Variants in TMEM196 observed in about 807,000 individuals in gnomAD.
TMEM196 encodes transmembrane protein 196.
TMEM196 carries 17 observed loss-of-function variants against 20.0 expected under a neutral mutation model. The ratio of observed to expected loss-of-function variants is 0.85; its 90% CI spans 0.58 to 1.27. The LOEUF is 1.27. TMEM196 is among the 50% of genes most tolerant of loss of function. The pLI, the probability that TMEM196 is intolerant of heterozygous loss-of-function variation, is 0.00. For synonymous variants in TMEM196, 113 were observed against 88.9 expected (o/e 1.27, Z -1.52); for missense variants, 267 against 223.0 (o/e 1.20, Z -1.26).
At chr7:19,762,933 T>C (rs553320737) in intron 1 of TMEM196, among the ~76,000 whole-genome samples, 2 of 152,328 alleles carry the variant, frequency 1.3e-5, no homozygotes, top group Non-Finnish European at 2.9e-5. Context: ...CAAACATAGC[T>C]GCACAGAAGG....
At chr7:19,744,578 A>G (rs539538313) in intron 1 of TMEM196, among the ~76,000 whole-genome samples, 6 of 152,268 alleles carry the variant, frequency 3.9e-5, no homozygotes, top group African/African-American at 1.2e-4. Flanking sequence ...AAAATATTAA[A>G]CACTGCACTC....
At chr7:19,767,515 C>T (rs1042473699) in intron 1 of TMEM196, among the ~76,000 whole-genome samples, 1 of 151,986 alleles carries the variant, frequency 6.6e-6, no homozygotes, top group Admixed American at 6.6e-5. Flanking sequence ...CAGAACAAAA[C>T]TATTTTTTCT....
chr7:19,741,246 G>C (rs965708513), intron 1 of TMEM196, among the ~76,000 whole-genome samples: 1 of 152,150 alleles, frequency 6.6e-6, no homozygotes, highest in African/African-American at 2.4e-5. Context: ...TACTGGCATT[G>C]TTAGAGTGAC....
At chr7:19,731,844 T>G (rs913323182) in intron 1 of TMEM196, among the ~76,000 whole-genome samples, 1 of 152,230 alleles carries the variant, frequency 6.6e-6, no homozygotes, top group Non-Finnish European at 1.5e-5. Flanking sequence ...ATCAATATTT[T>G]TTCTACTTTC....
intron 1 of TMEM196, among the ~76,000 whole-genome samples, chr7:19,754,631 A>G (rs1418721694): frequency 1.3e-5 from 2 of 152,068 alleles, no homozygotes; most frequent in East Asian, 1.9e-4. Flanking sequence ...AAGCTTGTCA[A>G]CTAACTACTC....
rs117713585 is a variant in TMEM196 at position 19,766,612 on chromosome 7, T to C, written c.147+5938A>G. ...ATATATAACTTTTTTAATGCAGTAG[T>C]GAAATGAAATTTGGATCACTTCACA... On this transcript the variant is annotated intron_variant, in intron 1 of 4. Transcript: ENST00000405844. Among the ~76,000 whole-genome samples the C allele has an allele frequency of 7.3e-3, 1,104 of 151,546 alleles. 5 individuals carry two copies. Among genetic ancestry groups the C allele is most frequent in the Non-Finnish European group, 0.013 (850 of 67,840 alleles).
intron 1 of TMEM196, among the ~76,000 whole-genome samples, chr7:19,756,841 C>G (rs1333006099): frequency 3.9e-5 from 6 of 152,122 alleles, no homozygotes; most frequent in Non-Finnish European, 7.4e-5. Flanking sequence ...TTTATCCAGT[C>G]TATCACTGAT....
At chr7:19,743,341 CTGTT>C (rs1042103517) in intron 1 of TMEM196, among the ~76,000 whole-genome samples, 2 of 152,110 alleles carry the variant, frequency 1.3e-5, no homozygotes, top group South Asian at 2.1e-4. Context: ...CTGTCTTTCT[CTGTT>C]TGTTTCACTC....
intron 1 of TMEM196, among the ~76,000 whole-genome samples, chr7:19,772,289 C>T (rs1237373540): frequency 1.3e-5 from 2 of 149,482 alleles, no homozygotes; most frequent in African/African-American, 2.5e-5. Context: ...ACTAACCCCC[C>T]ACCCCCACCT....
intron 1 of TMEM196, among the ~76,000 whole-genome samples, chr7:19,753,035 A>T (rs1785055890): frequency 6.6e-6 from 1 of 152,148 alleles, no homozygotes; most frequent in Non-Finnish European, 1.5e-5. Context: ...GCCAAAGTGC[A>T]CTTAAATTAT....
intron 1 of TMEM196, among the ~76,000 whole-genome samples, chr7:19,764,204 A>G (rs953024941): frequency 1.3e-5 from 2 of 152,196 alleles, no homozygotes; most frequent in African/African-American, 4.8e-5. Flanking sequence ...TTGATCCAGG[A>G]TGTACATCTC....
At chr7:19,753,946 T>C (rs1461845032) in intron 1 of TMEM196, among the ~76,000 whole-genome samples, 1 of 152,208 alleles carries the variant, frequency 6.6e-6, no homozygotes, top group Non-Finnish European at 1.5e-5. Context: ...GGCACATCTT[T>C]CATGAAGTCA....
intron 1 of TMEM196, among the ~76,000 whole-genome samples, chr7:19,761,816 C>CA (rs1785447457): frequency 2.0e-5 from 3 of 152,208 alleles, no homozygotes; most frequent in South Asian, 4.1e-4. Context: ...AATCCAAGTC[C>CA]AAAAAAATCT....
intron 1 of TMEM196, among the ~76,000 whole-genome samples, chr7:19,759,231 C>G (rs1785333921): frequency 6.6e-6 from 1 of 152,188 alleles, no homozygotes; most frequent in South Asian, 2.1e-4. Context: ...CTTACTTCAG[C>G]TACTCTTGCA....
intron 1 of TMEM196, among the ~76,000 whole-genome samples, chr7:19,746,787 G>A (rs968573513): frequency 3.3e-5 from 5 of 152,130 alleles, no homozygotes; most frequent in Non-Finnish European, 7.4e-5. Context: ...ATAATTAATT[G>A]ATTTGTATAT....
intron 1 of TMEM196, among the ~76,000 whole-genome samples, chr7:19,757,785 T>C (rs998859079): frequency 6.6e-6 from 1 of 152,152 alleles, no homozygotes; most frequent in Non-Finnish European, 1.5e-5. Context: ...TTTTATATGA[T>C]ATTTTAGTTT....
At chr7:19,726,019 A>C (rs1583415693) in intron 2 of TMEM196, among the ~76,000 whole-genome samples, 1 of 152,304 alleles carries the variant, frequency 6.6e-6, no homozygotes, top group South Asian at 2.1e-4. Context: ...ACTATATTAA[A>C]GCCAAGGATA....
At chr7:19,745,562 C>T (rs1784722412) in intron 1 of TMEM196, among the ~76,000 whole-genome samples, 1 of 151,798 alleles carries the variant, frequency 6.6e-6, no homozygotes, top group Non-Finnish European at 1.5e-5. Flanking sequence ...AAGCCTAACA[C>T]AGCTAGAATA....
intron 1 of TMEM196, among the ~76,000 whole-genome samples, chr7:19,760,988 G>A (rs1785413018): frequency 6.6e-6 from 1 of 152,168 alleles, no homozygotes; most frequent in South Asian, 2.1e-4. Context: ...AACCCAGTGT[G>A]GACTACAGAG....
Sources: allele counts gnomAD v4.1 joint callset (sites outside exome capture counted in the v4.1 genomes callset), GRCh38; gene constraint gnomAD v4.1.1; transcripts MANE v1.5; gene names NCBI Gene and HGNC (gene_info 2026-07-23, HGNC 2026-07-21).